CHD2: variants seen among roughly 807,000 people sequenced by gnomAD.
The protein encoded by CHD2 is ATP-dependent chromatin remodeler CHD2.
A neutral mutation model predicts 243.9 loss-of-function variants in CHD2; 28 were observed. The observed-to-expected ratio is 0.11, with a 90% CI of 0.09 to 0.16. The LOEUF is 0.16. Ranked by LOEUF, CHD2 falls within the 10% of genes least tolerant of loss-of-function variation. CHD2 has a pLI of 1.00. For missense variants in CHD2, 1,386 were observed against 2,209.8 expected, an observed-to-expected ratio of 0.63 and a Z score of 7.47; for synonymous variants, 775 against 779.0, an observed-to-expected ratio of 0.99 and a Z score of 0.09.
chr15:93,014,060 A>G (rs1464417698), intron 36 of CHD2, among the ~76,000 whole-genome samples: 1 of 152,020 alleles, frequency 6.6e-6, no homozygotes, highest in Non-Finnish European at 1.5e-5. Context: ...ACATGGAAAG[A>G]TTTTCACAAT....
Position 93,014,702 on chromosome 15 carries a change from A to C in CHD2, c.4699A>C (p.Lys1567Gln). The C allele has an allele frequency of 6.2e-7, 1 of 1,613,906 alleles. No individual in the cohort carries two copies. Among genetic ancestry groups the C allele is most frequent in the Non-Finnish European group, 8.5e-7 (1 of 1,179,968 alleles). ...KKRSQEEEEQ[K>Q]KKDDVTGGKK... is the part of the protein sequence containing the mutation. ...GTTTCCTTTTACTCTTTAGGAGCAA[A>C]AGAAGAAAGACGACGTGACTGGGGG... The change falls in exon 37 of 39, where the codon AAG becomes CAG. Residue 1567 changes from lysine (K) to glutamine (Q), a missense_variant. Lys to Gln is a moderately conservative substitution (Grantham distance 53). Coordinates refer to ENST00000394196, the MANE Select transcript of CHD2 (RefSeq NM_001271.4).
chr15:92,949,178 C>G, intron 13 of CHD2, 102 bp downstream of exon 13: 2 of 1,549,872 alleles, frequency 1.3e-6, no homozygotes, highest in Non-Finnish European at 1.7e-6. Context: ...CTTATTGTAT[C>G]TCAACCAAGA....
chr15:92,975,084 T>C, intron 20 of CHD2, 134 bp downstream of exon 20: 1 of 658,208 alleles, frequency 1.5e-6, no homozygotes, highest in Non-Finnish European at 2.6e-6. Flanking sequence ...AAATGAGAAA[T>C]CTCTCATATA....
In CHD2 at chr15:92,984,311, A is replaced by G. The variant is rs749337105; in HGVS notation, c.3067-19A>G. On this transcript the variant is annotated intron_variant, in intron 24 of 38. Transcript: ENST00000394196. ...TTTAGAAATAGGGAAATGTCAGACA[A>G]TGGGTTGTCTGTTTTAAGGTTGCCA... The G allele has an allele frequency of 1.4e-5, 22 of 1,517,490 alleles. 1 individual carries two copies. The highest frequency in any genetic ancestry group is 6.8e-5 in the South Asian group (5 of 73,104). The allele number at this position is 1,517,490 out of a possible 1,614,324, so 94.0% of individuals were successfully genotyped here.
At chr15:92,990,259 T>G (rs2141858284) in intron 26 of CHD2, among the ~76,000 whole-genome samples, 1 of 152,300 alleles carries the variant, frequency 6.6e-6, no homozygotes, top group South Asian at 2.1e-4. Context: ...GTTACACAGC[T>G]ATTGTAGTTG....
At chr15:92,925,267 C>G (rs954568677) in intron 3 of CHD2, among the ~76,000 whole-genome samples, 1 of 152,110 alleles carries the variant, frequency 6.6e-6, no homozygotes, top group Non-Finnish European at 1.5e-5. Context: ...CTATGTACAC[C>G]TCCTTTTCAC....
At chr15:92,989,092 C>T (rs200484360) in intron 26 of CHD2, among the ~76,000 whole-genome samples, 3 of 140,346 alleles carry the variant, frequency 2.1e-5, no homozygotes, top group African/African-American at 8.2e-5. Flanking sequence ...AGTGCAATGG[C>T]GCGATTTTGG....
intron 2 of CHD2, among the ~76,000 whole-genome samples, chr15:92,919,515 C>G (rs967406733): frequency 2.6e-5 from 4 of 152,016 alleles, no homozygotes; most frequent in Non-Finnish European, 5.9e-5. Flanking sequence ...GCCTCAGCCT[C>G]CCGAGTAGCT....
At chr15:92,979,561 T>G (rs2053951089) in intron 22 of CHD2, among the ~76,000 whole-genome samples, 1 of 152,080 alleles carries the variant, frequency 6.6e-6, no homozygotes, top group Admixed American at 6.6e-5. Flanking sequence ...GCAGTGGAGT[T>G]GTGTGTTGGG....
At chr15:92,929,255 G>A (rs187413107) in intron 5 of CHD2, among the ~76,000 whole-genome samples, 164 bp downstream of exon 5, 205 of 152,242 alleles carry the variant, frequency 1.3e-3, no homozygotes, top group African/African-American at 4.5e-3. Flanking sequence ...TGCAATAGCA[G>A]CAGCAGCATT....
intron 25 of CHD2, 143 bp from the exon 26 acceptor site, chr15:92,985,355 C>A: frequency 1.4e-6 from 1 of 697,058 alleles, no homozygotes; most frequent in Non-Finnish European, 2.2e-6. Context: ...GACCTGTCTC[C>A]CCTTATTTGT....
intron 2 of CHD2, chr15:92,901,551 AG>A: frequency 3.8e-6 from 2 of 528,514 alleles, no homozygotes; most frequent in Non-Finnish European, 3.3e-6. Context: ...CTTTATTCAA[AG>A]GGGCCTTTAC....
At chr15:92,975,921 C>A (rs549004474) in intron 20 of CHD2, among the ~76,000 whole-genome samples, 1 of 152,292 alleles carries the variant, frequency 6.6e-6, no homozygotes, top group South Asian at 2.1e-4. Flanking sequence ...AGACATCGGT[C>A]ATCAACTAAT....
rs1204930506 is a variant in CHD2 at position 92,996,404 on chromosome 15, C to A, written c.3596-553C>A. Among the ~76,000 whole-genome samples the A allele has an allele frequency of 7.9e-5, 12 of 152,172 alleles. No individual in the cohort carries two copies. In the East Asian group the frequency reaches 2.1e-3, roughly 27 times the overall value. ...CTCGATCTCCTGACCTCGTGATCTG[C>A]CTGCCTCAGCCTCCCAAAGTGCTAG... On this transcript the variant is annotated intron_variant, in intron 28 of 38. Transcript: ENST00000394196.
intron 6 of CHD2, among the ~76,000 whole-genome samples, chr15:92,938,196 T>G (rs1199747778): frequency 2.6e-5 from 4 of 152,214 alleles, no homozygotes; most frequent in Admixed American, 6.5e-5. Flanking sequence ...TATTTTCATA[T>G]GGCCTGTGAG....
chr15:93,002,046 T>C (rs1360080858), intron 32 of CHD2, 131 bp from the exon 33 acceptor site: 3 of 1,212,556 alleles, frequency 2.5e-6, no homozygotes, highest in East Asian at 2.6e-5. Flanking sequence ...CCCTTGAGGC[T>C]ATTTGCTTGA....
chr15:92,968,182 CTT>C (rs971478325), intron 17 of CHD2, among the ~76,000 whole-genome samples: 3 of 152,064 alleles, frequency 2.0e-5, no homozygotes, highest in Non-Finnish European at 4.4e-5. Context: ...GTTTTGTAGA[CTT>C]TTCTCACAGT....
rs568963238 is a variant in CHD2, at chr15:92,999,279, C to T, written c.4008+658C>T. 5.3e-5 allele frequency among the ~76,000 whole-genome samples: 8 copies of T among 152,208 alleles called. No homozygotes were observed. In the East Asian group the frequency reaches 1.3e-3, roughly 26 times the overall value. On this transcript the variant is annotated intron_variant, in intron 31 of 38. Coordinates refer to ENST00000394196, the MANE Select transcript of CHD2 (RefSeq NM_001271.4). ...TTTTGGAACATAGTTGCAGTTACTGCATTGAATACCTGTGGGTTTGCCTGT... is the reference window on the plus strand; with the variant it reads ...TTTTGGAACATAGTTGCAGTTACTGTATTGAATACCTGTGGGTTTGCCTGT...
rs1172121736 is a variant in CHD2, at chr15:92,979,115, A to T, written c.2728-20A>T. 4.3e-6 allele frequency: 7 copies of T among 1,613,114 alleles called. No individual in the cohort carries two copies. Among genetic ancestry groups the T allele is most frequent in the Non-Finnish European group, 5.1e-6 (6 of 1,179,494 alleles). ...TGGGGGGTGGTTCAGGCATAAGCATAACAGTTCCTTTTCCTACAGGTAAAT... is the reference window on the plus strand; with the variant it reads ...TGGGGGGTGGTTCAGGCATAAGCATTACAGTTCCTTTTCCTACAGGTAAAT... On this transcript the variant is annotated intron_variant, in intron 21 of 38. Coordinates refer to ENST00000394196, the MANE Select transcript of CHD2 (RefSeq NM_001271.4).
Sources: gnomAD v4.1 joint callset for allele counts (sites outside exome capture counted in the v4.1 genomes callset) on GRCh38, gnomAD v4.1.1 for gene constraint, MANE v1.5 for transcripts, NCBI Gene and HGNC (gene_info 2026-07-23, HGNC 2026-07-21) for gene names.